DST: variants seen among roughly 807,000 people sequenced by gnomAD.
The protein encoded by DST is dystonin, also known as bullous pemphigoid antigen.
DST carries 253 observed loss-of-function variants against 875.2 expected under a neutral mutation model. The ratio of observed to expected loss-of-function variants is 0.29; its 90% CI spans 0.26 to 0.32. The LOEUF is 0.32. Among genes scored for constraint, DST ranks in the 10% least tolerant of loss-of-function variants. The pLI is 1.00. For synonymous variants in DST, 3,124 were observed against 3,197.1 expected, an observed-to-expected ratio of 0.98 and a Z score of 0.77; for missense variants, 8,287 against 9,111.6, an observed-to-expected ratio of 0.91 and a Z score of 3.68.
chr6:56,786,125 C>T (rs916051507), intron 4 of DST, among the ~76,000 whole-genome samples: 2 of 151,904 alleles, frequency 1.3e-5, no homozygotes, highest in Non-Finnish European at 1.5e-5. Flanking sequence ...CATATGTGCA[C>T]GTGTGCATAT....
chr6:56,954,264 G>T, intron 1 of DST, 143 bp downstream of exon 1: 3 of 507,392 alleles, frequency 5.9e-6, no homozygotes, highest in Non-Finnish European at 9.7e-6. Context: ...GGCAAGGGGC[G>T]TTAAAGAAAC....
intron 2 of DST, among the ~76,000 whole-genome samples, chr6:56,929,893 AT>A (rs1809240593): frequency 6.6e-6 from 1 of 152,254 alleles, no homozygotes; most frequent in Non-Finnish European, 1.5e-5. Flanking sequence ...TCAACACTAA[AT>A]TCAATGAATG....
intron 51 of DST, among the ~76,000 whole-genome samples, chr6:56,573,309 A>G (rs1009530490): frequency 1.3e-5 from 2 of 152,188 alleles, no homozygotes; most frequent in South Asian, 2.1e-4. Flanking sequence ...CTACTCAGCA[A>G]CCCCTAGAAT....
intron 4 of DST, among the ~76,000 whole-genome samples, chr6:56,846,509 C>A (rs781693961): frequency 2.0e-5 from 3 of 152,180 alleles, no homozygotes; most frequent in Non-Finnish European, 4.4e-5. Context: ...ACCCAACTTA[C>A]AATATCCTGT....
chr6:56,658,025 C>A lies in DST; in HGVS notation c.1215-6781G>T, dbSNP rs144462696. ...AAGTGATCCACTCGCCTCGGCCCCC[C>A]CAACTGCTGGTATTATAGGCATGAG... On this transcript the variant is annotated intron_variant, in intron 10 of 103. Coordinates refer to ENST00000680361, the MANE Select transcript of DST (RefSeq NM_001374736.1). 9.6e-3 allele frequency among the ~76,000 whole-genome samples: 1,462 copies of A among 152,084 alleles called. 17 individuals are homozygous for A. The highest frequency in any genetic ancestry group is 0.017 in the Non-Finnish European group (1,161 of 67,990).
At chr6:56,612,929 T>G (rs1475681433) in intron 37 of DST, among the ~76,000 whole-genome samples, 1 of 152,278 alleles carries the variant, frequency 6.6e-6, no homozygotes, top group East Asian at 1.9e-4. Flanking sequence ...CTCAGGAGGC[T>G]GAGGCAGGAG....
intron 3 of DST, among the ~76,000 whole-genome samples, chr6:56,889,443 G>A (rs1786256111): frequency 1.3e-5 from 2 of 152,198 alleles, no homozygotes; most frequent in African/African-American, 4.8e-5. Context: ...CCCATTGCTT[G>A]ATGGTGGTGG....
Position 56,607,561 on chromosome 6 carries a change from C to T in DST, c.7067G>A (p.Ser2356Asn). The T allele has an allele frequency of 6.2e-7, 1 of 1,610,992 alleles. No homozygotes were observed. Among genetic ancestry groups the T allele is most frequent in the East Asian group, 2.2e-5 (1 of 44,752 alleles). The change falls in exon 40 of 104, where the codon AGC becomes AAC. Residue 2356 changes from serine (S) to asparagine (N), a missense_variant. Coordinates refer to ENST00000680361, the MANE Select transcript of DST (RefSeq NM_001374736.1). ...GTTTTCAGAGTCACTTCTAAGCATG[C>T]TAATGTCTGCAAGTTCAGTCTGTGT... ...YLTQTELADI[S>N]MLRSDSENIL...
In DST at chr6:56,618,027, C is replaced by T. The variant is rs74874398; in HGVS notation, c.4930-3543G>A. Reference sequence around the variant, plus strand: ...ACCTTCACCAGTTCCATTTCACATGCGTTATCTTGATACCTAACAGGTGGT... The same window carrying T: ...ACCTTCACCAGTTCCATTTCACATGTGTTATCTTGATACCTAACAGGTGGT... On this transcript the variant is annotated intron_variant, in intron 36 of 103. Coordinates refer to ENST00000680361, the MANE Select transcript of DST (RefSeq NM_001374736.1). 339 of 1,614,120 alleles carry T rather than the reference C, an allele frequency of 2.1e-4. 3 individuals carry two copies. In the South Asian group the frequency reaches 3.1e-3, roughly 15 times the overall value.
chr6:56,665,171 T>C (rs73746927), intron 10 of DST, among the ~76,000 whole-genome samples: 2,757 of 152,302 alleles, frequency 0.018, 73 homozygotes, highest in African/African-American at 0.061. Flanking sequence ...TAATTTTCCT[T>C]AAGTTGTTAT....
chr6:56,526,241 T>C, intron 69 of DST, 120 bp downstream of exon 69: 3 of 1,111,474 alleles, frequency 2.7e-6, no homozygotes, highest in Non-Finnish European at 3.8e-6. Flanking sequence ...ATCCACTCTT[T>C]CATTTTGGAA....
intron 97 of DST, 132 bp downstream of exon 97, chr6:56,469,751 T>C (rs1205029696): frequency 4.0e-6 from 3 of 742,188 alleles, no homozygotes; most frequent in African/African-American, 1.8e-5. Flanking sequence ...AAGAGTTTCA[T>C]ATACCATTAA....
intron 5 of DST, among the ~76,000 whole-genome samples, chr6:56,712,347 T>C (rs1304195592): frequency 6.6e-6 from 1 of 152,188 alleles, no homozygotes; most frequent in Admixed American, 6.5e-5. Context: ...ATATCCTTAC[T>C]ATGCTCACCT....
chr6:56,658,018 G>A lies in DST; in HGVS notation c.1215-6774C>T, dbSNP rs552701011. ...TGACCTCAAGTGATCCACTCGCCTC[G>A]GCCCCCCCAACTGCTGGTATTATAG... On this transcript the variant is annotated intron_variant, in intron 10 of 103. Coordinates refer to ENST00000680361, the MANE Select transcript of DST (RefSeq NM_001374736.1). 4.0e-5 allele frequency among the ~76,000 whole-genome samples: 6 copies of A among 151,852 alleles called. No homozygotes were observed. In the South Asian group the frequency reaches 1.0e-3, roughly 26 times the overall value.
chr6:56,477,287 C>A, intron 91 of DST, 58 bp downstream of exon 91: 2 of 1,538,998 alleles, frequency 1.3e-6, no homozygotes, highest in East Asian at 4.6e-5. Context: ...TGAAATTTCC[C>A]ACACCCCTCA....
chr6:56,502,899 T>C (rs138627170), intron 78 of DST, among the ~76,000 whole-genome samples: 5 of 152,240 alleles, frequency 3.3e-5, no homozygotes, highest in East Asian at 1.9e-4. Context: ...TGTCTCTGCA[T>C]ATGGAGAGTT....
intron 48 of DST, among the ~76,000 whole-genome samples, chr6:56,592,879 ATT>A (rs761390138): frequency 6.7e-6 from 1 of 149,282 alleles, no homozygotes; most frequent in African/African-American, 2.5e-5. Context: ...ATTTTCTTAG[ATT>A]TTTTTTTTTC....
intron 54 of DST, 45 bp downstream of exon 54, chr6:56,569,811 T>C (rs1562867741): frequency 6.5e-7 from 1 of 1,534,234 alleles, no homozygotes; most frequent in Non-Finnish European, 8.9e-7. Context: ...TAATCTTTCA[T>C]TATTGACACA....
intron 5 of DST, among the ~76,000 whole-genome samples, chr6:56,716,224 A>C (rs1455265676): frequency 6.6e-6 from 1 of 152,268 alleles, no homozygotes; most frequent in Non-Finnish European, 1.5e-5. Flanking sequence ...GATCAATGGA[A>C]CAGAACAGAG....
Sources: gnomAD v4.1 joint callset for allele counts (sites outside exome capture counted in the v4.1 genomes callset) on GRCh38, gnomAD v4.1.1 for gene constraint, MANE v1.5 for transcripts, NCBI Gene and HGNC (gene_info 2026-07-23, HGNC 2026-07-21) for gene names.